Variants in KCNQ5 observed in about 807,000 individuals in gnomAD.
The protein encoded by KCNQ5 is potassium voltage-gated channel subfamily Q member 5, also known as potassium voltage-gated channel subfamily KQT member 5.
KCNQ5 carries 30 observed loss-of-function variants against 98.2 expected under a neutral mutation model. That is an observed-to-expected ratio of 0.31 (90% CI 0.23 to 0.41). The LOEUF (loss-of-function observed/expected upper bound fraction) is 0.41. Among genes scored for constraint, KCNQ5 ranks in the 10% least tolerant of loss-of-function variants. The pLI is 1.00. For synonymous variants in KCNQ5, 458 were observed against 449.4 expected, an observed-to-expected ratio of 1.02 and a Z score of -0.24; for missense variants, 835 against 1,182.5, an observed-to-expected ratio of 0.71 and a Z score of 4.31.
chr6:72,923,235 A>G (rs1035626196), intron 1 of KCNQ5, among the ~76,000 whole-genome samples: 1 of 152,136 alleles, frequency 6.6e-6, no homozygotes, highest in African/African-American at 2.4e-5. Flanking sequence ...TACTGATTTC[A>G]TTTCCTTTAG....
chr6:72,774,570 A>G (rs1398569803), intron 1 of KCNQ5, among the ~76,000 whole-genome samples: 1 of 152,056 alleles, frequency 6.6e-6, no homozygotes, highest in Non-Finnish European at 1.5e-5. Flanking sequence ...GATATTCAAA[A>G]TACATATATT....
intron 11 of KCNQ5, among the ~76,000 whole-genome samples, chr6:73,175,844 A>G (rs1778192227): frequency 6.6e-6 from 1 of 150,646 alleles, no homozygotes; most frequent in South Asian, 2.1e-4. Flanking sequence ...GCCAACCTAT[A>G]TCGGCACTTT....
At chr6:73,001,228 G>A (rs1382183710) in intron 1 of KCNQ5, among the ~76,000 whole-genome samples, 1 of 151,958 alleles carries the variant, frequency 6.6e-6, no homozygotes, top group Non-Finnish European at 1.5e-5. Flanking sequence ...ATTTTTCTTA[G>A]CACTTATCTG....
At chr6:73,041,037 C>T (rs554521077) in intron 2 of KCNQ5, among the ~76,000 whole-genome samples, 2 of 152,258 alleles carry the variant, frequency 1.3e-5, no homozygotes, top group Admixed American at 1.3e-4. Flanking sequence ...AATCAACCCT[C>T]GTTTTAAAAC....
At chr6:72,686,336 C>G (rs1767948836) in intron 1 of KCNQ5, among the ~76,000 whole-genome samples, 1 of 152,112 alleles carries the variant, frequency 6.6e-6, no homozygotes, top group Non-Finnish European at 1.5e-5. Context: ...TTCCCTCGAG[C>G]TGATAGGTCA....
At chr6:72,873,878 AC>A (rs202132188) in intron 1 of KCNQ5, among the ~76,000 whole-genome samples, 2 of 151,990 alleles carry the variant, frequency 1.3e-5, no homozygotes, top group South Asian at 2.1e-4. Flanking sequence ...CTTTTGCAAA[AC>A]TTTAATGACA....
chr6:72,865,468 T>C (rs759216366), intron 1 of KCNQ5, among the ~76,000 whole-genome samples: 10 of 152,212 alleles, frequency 6.6e-5, no homozygotes, highest in South Asian at 2.1e-4. Context: ...TCTCAGGTCA[T>C]ATAATGGTCC....
chr6:73,192,321 A>T (rs1765621533), intron 12 of KCNQ5, among the ~76,000 whole-genome samples: 1 of 152,212 alleles, frequency 6.6e-6, no homozygotes, highest in African/African-American at 2.4e-5. Flanking sequence ...GTAGTTTAGG[A>T]CACTTTTACT....
At chr6:73,012,569 C>T (rs1019489925) in intron 2 of KCNQ5, among the ~76,000 whole-genome samples, 1 of 151,846 alleles carries the variant, frequency 6.6e-6, no homozygotes, top group Non-Finnish European at 1.5e-5. Context: ...TGTAACATTA[C>T]GAATGTATTT....
At chr6:73,141,289 C>T (rs374111485) in intron 10 of KCNQ5, among the ~76,000 whole-genome samples, 7 of 152,258 alleles carry the variant, frequency 4.6e-5, no homozygotes, top group African/African-American at 1.4e-4. Context: ...CCCAGAGCCC[C>T]CACCTCTTAA....
intron 1 of KCNQ5, among the ~76,000 whole-genome samples, chr6:72,724,947 T>C (rs977945884): frequency 1.3e-5 from 2 of 152,316 alleles, no homozygotes; most frequent in South Asian, 2.1e-4. Flanking sequence ...CATGGTTGCA[T>C]AGAGAAGGGA....
chr6:72,865,663 T>A (rs553948926), intron 1 of KCNQ5, among the ~76,000 whole-genome samples: 1 of 151,998 alleles, frequency 6.6e-6, no homozygotes, highest in Non-Finnish European at 1.5e-5. Context: ...AAGCCAACAG[T>A]GTGTTGAAAT....
intron 1 of KCNQ5, among the ~76,000 whole-genome samples, chr6:72,805,434 T>G (rs1335371633): frequency 6.6e-6 from 1 of 152,144 alleles, no homozygotes; most frequent in Non-Finnish European, 1.5e-5. Flanking sequence ...CCCTAACATA[T>G]CTTCTTGGCA....
intron 1 of KCNQ5, among the ~76,000 whole-genome samples, chr6:72,859,781 G>A (rs1229643246): frequency 6.6e-6 from 1 of 151,964 alleles, no homozygotes; most frequent in Non-Finnish European, 1.5e-5. Context: ...GTAGAGACAG[G>A]GTTTTGCCCT....
At chr6:72,686,461 T>G (rs1005478425) in intron 1 of KCNQ5, among the ~76,000 whole-genome samples, 1 of 152,216 alleles carries the variant, frequency 6.6e-6, no homozygotes, top group African/African-American at 2.4e-5. Flanking sequence ...TTTATTTTTC[T>G]AAGAAGTAGG....
At chr6:73,099,188 C>T (rs7747867) in intron 5 of KCNQ5, among the ~76,000 whole-genome samples, 2,740 of 151,978 alleles carry the variant, frequency 0.018, 98 homozygotes, top group African/African-American at 0.062. Context: ...GAAACTAAAT[C>T]ATACCACCAG....
rs1449413875 is a variant in KCNQ5 at position 72,622,250 on chromosome 6, G to T, written c.61G>T (p.Gly21Cys). ...CGCCGCCGGGCTCTGGGTGAAGAGC[G>T]GCGCAGCGGCGGCGGCGGCGGGCGG... ...GGAAGLWVKS[G>C]AAAAAAGGGR... The change falls in exon 1 of 14, where the codon GGC becomes TGC. Residue 21 changes from glycine to cysteine, a missense_variant. Physicochemically the swap from Gly to Cys is radical, Grantham distance 159. Around this residue, in one of 10 missense-constraint regions of KCNQ5, gnomAD observed 80 missense variants for 72.3 expected, o/e 1.11. Coordinates refer to ENST00000370398, the MANE Select transcript of KCNQ5 (RefSeq NM_019842.4). The surrounding 1 kb of genome is among the most constrained non-coding windows in gnomAD (Gnocchi z 6.0). The T allele has an allele frequency of 3.2e-6, 4 of 1,256,406 alleles. No individual in the cohort carries two copies. Among genetic ancestry groups the T allele is most frequent in the Non-Finnish European group, 4.0e-6 (4 of 1,004,316 alleles). 77.8% of individuals were successfully genotyped at this position (1,256,406 alleles called of 1,614,324 possible).
chr6:72,956,747 T>C (rs1767090300), intron 1 of KCNQ5, among the ~76,000 whole-genome samples: 2 of 151,864 alleles, frequency 1.3e-5, no homozygotes, highest in Admixed American at 1.3e-4. Flanking sequence ...GCAAAACCTA[T>C]GTATTCAACA....
intron 1 of KCNQ5, among the ~76,000 whole-genome samples, chr6:72,939,223 C>G (rs2150237396): frequency 6.6e-6 from 1 of 152,254 alleles, no homozygotes; most frequent in Non-Finnish European, 1.5e-5. Flanking sequence ...CCCAGTCCCT[C>G]AGGGACACTA....
Sources: allele counts gnomAD v4.1 joint callset (sites outside exome capture counted in the v4.1 genomes callset), GRCh38; gene constraint gnomAD v4.1.1; regional missense constraint gnomAD v4.1.1; non-coding constraint Gnocchi (gnomAD v3.1); transcripts MANE v1.5; gene names NCBI Gene and HGNC (gene_info 2026-07-23, HGNC 2026-07-21).